Variants in SPATS2L observed in about 807,000 individuals in gnomAD.
SPATS2L encodes spermatogenesis associated serine rich 2 like, also known as SPATS2-like protein.
In SPATS2L, 30 loss-of-function variants were observed where a neutral mutation model predicts 59.6. The observed-to-expected ratio is 0.50, with a 90% CI of 0.38 to 0.68. The LOEUF is 0.68. Ranked by LOEUF, SPATS2L falls within the 30% of genes least tolerant of loss-of-function variation. The probability of loss-of-function intolerance (pLI) is 0.00; values close to 1 mark genes in which losing one functional copy is unlikely to be tolerated. For missense variants in SPATS2L, 615 were observed against 700.0 expected (o/e 0.88, Z 1.37); for synonymous variants, 252 against 263.5 (o/e 0.96, Z 0.42).
At chr2:200,426,153 C>T (rs1361052899) in intron 6 of SPATS2L, among the ~76,000 whole-genome samples, 6 of 129,014 alleles carry the variant, frequency 4.7e-5, no homozygotes, top group Non-Finnish European at 7.7e-5. Flanking sequence ...TGCAGTGGCG[C>T]GATCTCAGCT....
intron 2 of SPATS2L, among the ~76,000 whole-genome samples, chr2:200,370,551 T>C (rs1219501534): frequency 6.6e-6 from 1 of 152,226 alleles, no homozygotes; most frequent in African/African-American, 2.4e-5. Context: ...TCTTTATCAG[T>C]GACATGAATG....
chr2:200,468,233 C>T (rs1450087870), intron 10 of SPATS2L, among the ~76,000 whole-genome samples: 1 of 151,818 alleles, frequency 6.6e-6, no homozygotes, highest in Non-Finnish European at 1.5e-5. Context: ...GAAACTGCAT[C>T]AGGGTACAGT....
chr2:200,414,234 GA>G (rs2105994877), intron 4 of SPATS2L, among the ~76,000 whole-genome samples: 1 of 152,232 alleles, frequency 6.6e-6, no homozygotes, highest in East Asian at 1.9e-4. Context: ...TGTCCTTCTT[GA>G]AATTTTCACC....
intron 2 of SPATS2L, among the ~76,000 whole-genome samples, 157 bp downstream of exon 2, chr2:200,329,637 T>A (rs2079869998): frequency 6.6e-6 from 1 of 152,154 alleles, no homozygotes; most frequent in Non-Finnish European, 1.5e-5. Flanking sequence ...TTAGAGTGTG[T>A]TGACTGAAGT....
chr2:200,339,448 T>C (rs1198881022), intron 2 of SPATS2L, among the ~76,000 whole-genome samples: 1 of 152,188 alleles, frequency 6.6e-6, no homozygotes, highest in East Asian at 1.9e-4. Context: ...TTTGAAAATA[T>C]GGGAACTTCT....
chr2:200,437,634 T>C (rs533333891), intron 6 of SPATS2L, among the ~76,000 whole-genome samples: 2 of 152,362 alleles, frequency 1.3e-5, no homozygotes, highest in East Asian at 1.9e-4. Context: ...TCAGTACTTA[T>C]GTACTTTGTT....
chr2:200,471,965 A>G (rs368962355), intron 11 of SPATS2L, among the ~76,000 whole-genome samples: 9 of 152,234 alleles, frequency 5.9e-5, no homozygotes, highest in Admixed American at 2.0e-4. Flanking sequence ...TCAGGGCTTT[A>G]TCCTTGAATT....
chr2:200,377,694 A>G (rs1182944254), intron 2 of SPATS2L, among the ~76,000 whole-genome samples: 1 of 152,200 alleles, frequency 6.6e-6, no homozygotes, highest in African/African-American at 2.4e-5. Flanking sequence ...CAAGAACTTC[A>G]CTTCCTTGTG....
At chr2:200,380,347 G>T (rs2081762560) in intron 2 of SPATS2L, among the ~76,000 whole-genome samples, 1 of 152,198 alleles carries the variant, frequency 6.6e-6, no homozygotes, top group African/African-American at 2.4e-5. Context: ...TTTGTGTTCT[G>T]CTCTGCCGTG....
At chr2:200,312,448 A>C (rs2079224295) in intron 1 of SPATS2L, among the ~76,000 whole-genome samples, 1 of 152,216 alleles carries the variant, frequency 6.6e-6, no homozygotes, top group South Asian at 2.1e-4. Flanking sequence ...GGAATGTTTG[A>C]GGAATACAGA....
chr2:200,467,215 C>A, intron 9 of SPATS2L, 75 bp from the exon 10 acceptor site: 3 of 1,044,402 alleles, frequency 2.9e-6, no homozygotes, highest in Non-Finnish European at 4.4e-6. Context: ...GGAGTGAGAA[C>A]TGATTCCAAG....
intron 1 of SPATS2L, among the ~76,000 whole-genome samples, chr2:200,320,072 A>G (rs1417575027): frequency 6.6e-6 from 1 of 152,200 alleles, no homozygotes. Context: ...GACATTCTGC[A>G]AGAGAATTAT....
At chr2:200,309,034 C>A (rs188929910) in intron 1 of SPATS2L, 1 of 717,856 alleles carries the variant, frequency 1.4e-6, no homozygotes, top group Non-Finnish European at 2.6e-6. Flanking sequence ...TAGGCCACAC[C>A]GTTGCAGTCT....
intron 8 of SPATS2L, among the ~76,000 whole-genome samples, chr2:200,443,162 C>G (rs1274040553): frequency 6.6e-6 from 1 of 152,186 alleles, no homozygotes; most frequent in East Asian, 1.9e-4. Context: ...AACCTTGCCT[C>G]TGTTCCAAAT....
chr2:200,317,496 A>AT (rs2079419106), intron 1 of SPATS2L, among the ~76,000 whole-genome samples: 1 of 152,174 alleles, frequency 6.6e-6, no homozygotes, highest in African/African-American at 2.4e-5. Context: ...ATGTTGAATA[A>AT]TTTTATAGAC....
chr2:200,418,240 T>C (rs564562165), intron 5 of SPATS2L, among the ~76,000 whole-genome samples: 1 of 152,252 alleles, frequency 6.6e-6, no homozygotes, highest in South Asian at 2.1e-4. Context: ...TTATATCACT[T>C]TGGCATTACC....
chr2:200,443,823 G>C (rs2084856161), intron 8 of SPATS2L, among the ~76,000 whole-genome samples: 1 of 152,166 alleles, frequency 6.6e-6, no homozygotes, highest in African/African-American at 2.4e-5. Context: ...TCAATACCAA[G>C]CAAGCACACA....
At chr2:200,448,015 C>G (rs567397388) in intron 8 of SPATS2L, among the ~76,000 whole-genome samples, 4 of 152,298 alleles carry the variant, frequency 2.6e-5, no homozygotes, top group Middle Eastern at 3.4e-3. Context: ...TGTGGTGGTA[C>G]AGTCCTTTAG....
At chr2:200,357,044 A>G (rs1031823419) in intron 2 of SPATS2L, among the ~76,000 whole-genome samples, 2 of 152,214 alleles carry the variant, frequency 1.3e-5, no homozygotes, top group Non-Finnish European at 2.9e-5. Context: ...GATACATTCA[A>G]ACCATAGCAA....
Sources: gnomAD v4.1 joint callset for allele counts (sites outside exome capture counted in the v4.1 genomes callset) on GRCh38, gnomAD v4.1.1 for gene constraint, MANE v1.5 for transcripts, NCBI Gene and HGNC (gene_info 2026-07-23, HGNC 2026-07-21) for gene names.